Variants in EEFSEC observed in about 807,000 individuals in gnomAD.
The protein encoded by EEFSEC is eukaryotic elongation factor, selenocysteine-tRNA specific, also known as selenocysteine-specific elongation factor.
A neutral mutation model predicts 42.1 loss-of-function variants in EEFSEC; 43 were observed. That is an observed-to-expected ratio of 1.02 (90% confidence interval 0.80 to 1.32). The LOEUF (loss-of-function observed/expected upper bound fraction) is 1.32, where lower values mean the gene tolerates loss of function less well. Ranked by LOEUF, EEFSEC falls within the 40% of genes most tolerant of loss-of-function variation. The pLI, the probability that EEFSEC is intolerant of heterozygous loss-of-function variation, is 0.00. For missense variants in EEFSEC, 745 were observed against 803.6 expected (o/e 0.93, Z 0.88); for synonymous variants, 354 against 339.1 (o/e 1.04, Z -0.48).
intron 5 of EEFSEC, among the ~76,000 whole-genome samples, chr3:128,355,520 G>A (rs1331870705): frequency 6.7e-6 from 1 of 149,178 alleles, no homozygotes; most frequent in African/African-American, 2.5e-5. Flanking sequence ...TCACAGGCAT[G>A]TATATGTATA....
At chr3:128,319,322 G>A (rs2066982302) in intron 4 of EEFSEC, among the ~76,000 whole-genome samples, 2 of 152,124 alleles carry the variant, frequency 1.3e-5, no homozygotes, top group African/African-American at 4.8e-5. Context: ...TATCCACACA[G>A]CCCTCATTTT....
chr3:128,308,139 C>T (rs896489676), intron 4 of EEFSEC, among the ~76,000 whole-genome samples: 1 of 152,248 alleles, frequency 6.6e-6, no homozygotes, highest in African/African-American at 2.4e-5. Flanking sequence ...GCAGTGACCT[C>T]AGTCTCTGTC....
At chr3:128,219,549 C>T (rs1389341183) in intron 1 of EEFSEC, among the ~76,000 whole-genome samples, 1 of 152,154 alleles carries the variant, frequency 6.6e-6, no homozygotes, top group Non-Finnish European at 1.5e-5. Flanking sequence ...ACCTTCTTGA[C>T]TACCCTTTTT....
chr3:128,262,473 C>T (rs1436737050), intron 3 of EEFSEC, among the ~76,000 whole-genome samples: 2 of 152,222 alleles, frequency 1.3e-5, no homozygotes, highest in Non-Finnish European at 2.9e-5. Context: ...CTCTGCAGAG[C>T]TCGTCACACC....
chr3:128,172,008 C>T (rs2065304219), intron 1 of EEFSEC, among the ~76,000 whole-genome samples: 1 of 152,102 alleles, frequency 6.6e-6, no homozygotes, highest in Admixed American at 6.6e-5. Context: ...TATGAAAATA[C>T]TCTGTCATTT....
intron 4 of EEFSEC, among the ~76,000 whole-genome samples, chr3:128,303,877 A>C (rs2066797158): frequency 6.6e-6 from 1 of 152,160 alleles, no homozygotes; most frequent in Admixed American, 6.5e-5. Flanking sequence ...ACAGTATCTA[A>C]CTTTATTTTC....
the EEFSEC span, among the ~76,000 whole-genome samples, chr3:128,426,149 C>T: frequency 2.6e-5 from 4 of 152,318 alleles, no homozygotes; most frequent in South Asian, 8.3e-4. Flanking sequence ...TCTCGCTGCA[C>T]AGGCCACGCG....
intron 2 of EEFSEC, among the ~76,000 whole-genome samples, chr3:128,255,200 C>T (rs1473668354): frequency 6.6e-6 from 1 of 151,944 alleles, no homozygotes; most frequent in Non-Finnish European, 1.5e-5. Context: ...GAAGAGTTGG[C>T]CTCTCTGGCC....
intron 4 of EEFSEC, among the ~76,000 whole-genome samples, chr3:128,335,373 G>A (rs1351828609): frequency 6.6e-6 from 1 of 152,146 alleles, no homozygotes; most frequent in Non-Finnish European, 1.5e-5. Context: ...TGGGTGGGGT[G>A]ACTGAGGAGG....
chr3:128,394,807 G>T (rs1394628348), intron 6 of EEFSEC, among the ~76,000 whole-genome samples: 1 of 152,196 alleles, frequency 6.6e-6, no homozygotes, highest in African/African-American at 2.4e-5. Flanking sequence ...GAAGGGGCAG[G>T]CTGGGGTGAG....
chr3:128,362,733 A>G (rs571269043), intron 6 of EEFSEC, among the ~76,000 whole-genome samples: 1 of 152,290 alleles, frequency 6.6e-6, no homozygotes, highest in African/African-American at 2.4e-5. Context: ...GCAAGTGCTT[A>G]CCTCATACTA....
intron 4 of EEFSEC, among the ~76,000 whole-genome samples, chr3:128,307,076 G>A (rs529640830): frequency 6.6e-6 from 1 of 152,378 alleles, no homozygotes; most frequent in South Asian, 2.1e-4. Flanking sequence ...CTTCTCACCA[G>A]TACGTCCTAC....
At chr3:128,260,129 T>A (rs2066283034) in intron 2 of EEFSEC, among the ~76,000 whole-genome samples, 1 of 113,406 alleles carries the variant, frequency 8.8e-6, no homozygotes, top group Non-Finnish European at 2.0e-5. Context: ...GTTGGTAGAT[T>A]TTTTTTATTT....
chr3:128,334,652 G>T (rs1180463865), intron 4 of EEFSEC, among the ~76,000 whole-genome samples: 2 of 152,250 alleles, frequency 1.3e-5, no homozygotes, highest in Admixed American at 6.5e-5. Context: ...AAGCTTCTTT[G>T]TTAATCAGAA....
At chr3:128,187,397 G>A (rs2065476386) in intron 1 of EEFSEC, among the ~76,000 whole-genome samples, 1 of 152,184 alleles carries the variant, frequency 6.6e-6, no homozygotes, top group Admixed American at 6.5e-5. Context: ...TTCTGCTTCT[G>A]GGCTTTCCCA....
chr3:128,253,972 A>C lies in EEFSEC; in HGVS notation c.524+6929A>C, dbSNP rs1364384935. 2.0e-5 allele frequency among the ~76,000 whole-genome samples: 3 copies of C among 152,194 alleles called. No homozygotes were observed. The East Asian group carries it at 5.8e-4, about 29-fold the overall frequency. On this transcript the variant is annotated intron_variant, in intron 2 of 6. Coordinates refer to ENST00000254730, the MANE Select transcript of EEFSEC (RefSeq NM_021937.5). ...TACGTCTCTTGTCTTTAAAAAAGAA[A>C]AAAATCTGATTTTCTTCAAGGGTTT...
intron 4 of EEFSEC, among the ~76,000 whole-genome samples, chr3:128,287,163 T>A (rs1279563392): frequency 6.6e-6 from 1 of 152,078 alleles, no homozygotes; most frequent in African/African-American, 2.4e-5. Context: ...TTTGGAAGAG[T>A]GAACCCTGAG....
chr3:128,374,476 A>T (rs1481976124), intron 6 of EEFSEC, among the ~76,000 whole-genome samples: 1 of 152,106 alleles, frequency 6.6e-6, no homozygotes, highest in Non-Finnish European at 1.5e-5. Flanking sequence ...GTCAGGACAC[A>T]CTTACTCACT....
chr3:128,372,457 T>C (rs1309350513), intron 6 of EEFSEC, among the ~76,000 whole-genome samples: 1 of 152,170 alleles, frequency 6.6e-6, no homozygotes, highest in Non-Finnish European at 1.5e-5. Flanking sequence ...CCCCCATGAT[T>C]TGGATTCACC....
Sources: gnomAD v4.1 joint callset for allele counts (sites outside exome capture counted in the v4.1 genomes callset) on GRCh38, gnomAD v4.1.1 for gene constraint, MANE v1.5 for transcripts, NCBI Gene and HGNC (gene_info 2026-07-23, HGNC 2026-07-21) for gene names.